The following TAF3 variants were observed in gnomAD, a reference collection of about 807,000 sequenced individuals.
The protein encoded by TAF3 is transcription initiation factor TFIID subunit 3.
A neutral mutation model predicts 80.6 loss-of-function variants in TAF3; 7 were observed. That is an observed-to-expected ratio of 0.09 (90% confidence interval 0.05 to 0.16). TAF3 has a LOEUF of 0.16. Among genes scored for constraint, TAF3 ranks in the 10% least tolerant of loss-of-function variants. The probability of loss-of-function intolerance (pLI) is 1.00; values close to 1 mark genes in which losing one functional copy is unlikely to be tolerated. For synonymous variants in TAF3, 444 were observed against 446.1 expected, an observed-to-expected ratio of 1.00 and a Z score of 0.06; for missense variants, 921 against 1,140.2, an observed-to-expected ratio of 0.81 and a Z score of 2.77.
intron 4 of TAF3, among the ~76,000 whole-genome samples, chr10:8,003,524 G>T (rs1429585059): frequency 6.6e-6 from 1 of 152,138 alleles, no homozygotes; most frequent in Admixed American, 6.5e-5. Context: ...TAAATTTTGT[G>T]TTCATAGTGC....
At chr10:7,870,710 T>C (rs1837257325) in intron 2 of TAF3, among the ~76,000 whole-genome samples, 1 of 152,112 alleles carries the variant, frequency 6.6e-6, no homozygotes, top group African/African-American at 2.4e-5. Context: ...TCACTTCTTC[T>C]CTAAGTCCTT....
chr10:7,966,216 C>T lies in TAF3; in HGVS notation c.2232+474C>T, dbSNP rs575539675. On this transcript the variant is annotated intron_variant, in intron 3 of 6. Coordinates refer to ENST00000344293, the MANE Select transcript of TAF3 (RefSeq NM_031923.4). ...CACTGCCTTGGTTTTCTTTTTGGTG[C>T]GCCATTTTGGCATGTGTTTAGGATT... Among the ~76,000 whole-genome samples the T allele has an allele frequency of 5.5e-4, 84 of 152,288 alleles. No individual in the cohort carries two copies. The South Asian group carries it at 0.016, about 28-fold the overall frequency.
intron 2 of TAF3, among the ~76,000 whole-genome samples, chr10:7,842,168 T>G (rs191669112): frequency 0.061 from 5,849 of 96,664 alleles, 216 homozygotes; most frequent in Non-Finnish European, 0.1. Context: ...TTTTTTGTTT[T>G]TTTTTTTGTT....
intron 1 of TAF3, among the ~76,000 whole-genome samples, chr10:7,822,936 T>A (rs1836704040): frequency 6.6e-6 from 1 of 152,224 alleles, no homozygotes; most frequent in South Asian, 2.1e-4. Flanking sequence ...CTAATTACAT[T>A]TGAAAATTTA....
chr10:7,994,450 GAAAAAAAAC>G (rs958117483), intron 4 of TAF3, among the ~76,000 whole-genome samples: 2 of 151,450 alleles, frequency 1.3e-5, no homozygotes, highest in Non-Finnish European at 2.9e-5. Flanking sequence ...GAAAAGAAAA[GAAAAAAAAC>G]TATGAGTTTA....
At chr10:7,942,497 A>T (rs1837985151) in intron 2 of TAF3, among the ~76,000 whole-genome samples, 2 of 152,232 alleles carry the variant, frequency 1.3e-5, no homozygotes, top group African/African-American at 2.4e-5. Flanking sequence ...AGTGTAACAC[A>T]GTCTTGCTGA....
At chr10:7,882,025 C>T (rs895471707) in intron 2 of TAF3, among the ~76,000 whole-genome samples, 18 of 152,262 alleles carry the variant, frequency 1.2e-4, no homozygotes, top group Non-Finnish European at 2.5e-4. Flanking sequence ...GATTGGGCAC[C>T]TACAGTGAGT....
At position 8,009,171 on chromosome 10, in the gene TAF3, C is replaced by G. The variant is rs1245173772; in HGVS notation, c.2409C>G (p.Pro803=). The change falls in exon 5 of 7, where the codon CCC becomes CCG. Residue 803 remains proline (P), a synonymous_variant. Transcript: ENST00000344293. The surrounding 1 kb of genome is among the most constrained non-coding windows in gnomAD (Gnocchi z 4.1). ...KTPPPAPAPA[P]GPMLVSPAPV... ...CACCGCCGGCCCCCGCGCCCGCCCC[C>G]GGCCCCATGCTCGTCAGCCCTGCGC... 2 of 1,531,668 alleles carry G rather than the reference C, an allele frequency of 1.3e-6. No homozygotes were observed. Among genetic ancestry groups the G allele is most frequent in the Non-Finnish European group, 1.8e-6 (2 of 1,138,156 alleles). 94.9% of individuals were successfully genotyped at this position (1,531,668 alleles called of 1,614,324 possible). A position where few individuals can be genotyped will look rare whatever the true frequency, so the allele number is the denominator to read the frequency against.
At chr10:8,010,911 GA>G (rs888327460) in intron 5 of TAF3, among the ~76,000 whole-genome samples, 277 of 147,272 alleles carry the variant, frequency 1.9e-3, no homozygotes, top group African/African-American at 6.1e-3. Context: ...TCCATCTCAA[GA>G]AAAAAAAAAA....
intron 2 of TAF3, among the ~76,000 whole-genome samples, chr10:7,945,443 C>G (rs777590828): frequency 6.6e-6 from 1 of 152,210 alleles, no homozygotes; most frequent in Non-Finnish European, 1.5e-5. Context: ...TGTTTACCTG[C>G]ATAGTGAGCA....
intron 2 of TAF3, among the ~76,000 whole-genome samples, chr10:7,943,917 C>G (rs1197613565): frequency 1.3e-5 from 2 of 152,140 alleles, no homozygotes; most frequent in Admixed American, 6.5e-5. Context: ...ATCATTACCC[C>G]TAGTAAACCA....
chr10:7,989,622 T>A (rs1361440593), intron 4 of TAF3, among the ~76,000 whole-genome samples: 1 of 152,206 alleles, frequency 6.6e-6, no homozygotes, highest in Non-Finnish European at 1.5e-5. Flanking sequence ...TTGATAGAAA[T>A]TACAAAATTT....
chr10:7,950,724 C>T (rs1838073972), intron 2 of TAF3, among the ~76,000 whole-genome samples: 1 of 152,180 alleles, frequency 6.6e-6, no homozygotes, highest in African/African-American at 2.4e-5. Context: ...GTTGCCTGTT[C>T]CCAGCTGAGG....
At chr10:7,863,327 A>G (rs977381967) in intron 2 of TAF3, among the ~76,000 whole-genome samples, 2 of 152,032 alleles carry the variant, frequency 1.3e-5, no homozygotes, top group African/African-American at 2.4e-5. Flanking sequence ...TAAAGAATAT[A>G]AGGCTGGGCA....
chr10:7,881,820 T>C (rs111567697), intron 2 of TAF3, among the ~76,000 whole-genome samples: 24 of 152,236 alleles, frequency 1.6e-4, no homozygotes, highest in Non-Finnish European at 2.8e-4. Context: ...TTGGAGGAGT[T>C]GCTTACCTTC....
chr10:7,847,799 G>A (rs545439206), intron 2 of TAF3, among the ~76,000 whole-genome samples: 132 of 151,984 alleles, frequency 8.7e-4, no homozygotes, highest in African/African-American at 2.9e-3. Context: ...CAAGAGTTTC[G>A]CTCTGTCTTC....
chr10:7,819,792 G>A (rs1836671807), intron 1 of TAF3, among the ~76,000 whole-genome samples: 1 of 152,140 alleles, frequency 6.6e-6, no homozygotes, highest in South Asian at 2.1e-4. Flanking sequence ...TGTTTCATAG[G>A]ATATTTTGTT....
rs1355324669 is a variant in TAF3 at position 8,009,872 on chromosome 10, C to T, written c.2568+542C>T. Among the ~76,000 whole-genome samples, 5 of 151,918 alleles carry T rather than the reference C, an allele frequency of 3.3e-5. No individual in the cohort carries two copies. The highest frequency in any genetic ancestry group is 7.3e-5 in the African/African-American group (3 of 41,352). ...CTGACCTAAGGTGATCCACCCGCCT[C>T]GGCCTCCCAAAGTGTGGGATTACAG... On this transcript the variant is annotated intron_variant, in intron 5 of 6. Transcript: ENST00000344293. This position sits in a 1 kb window ranked among gnomAD's most constrained non-coding sequence, Gnocchi z 4.1.
chr10:7,821,941 A>ATCTC (rs1836694340), intron 1 of TAF3, among the ~76,000 whole-genome samples: 2 of 152,200 alleles, frequency 1.3e-5, no homozygotes, highest in Non-Finnish European at 2.9e-5. Flanking sequence ...AAGCATAATA[A>ATCTC]AAGTACCAGT....
Sources: allele counts gnomAD v4.1 joint callset (sites outside exome capture counted in the v4.1 genomes callset), GRCh38; gene constraint gnomAD v4.1.1; non-coding constraint Gnocchi (gnomAD v3.1); transcripts MANE v1.5; gene names NCBI Gene and HGNC (gene_info 2026-07-23, HGNC 2026-07-21).